The following GYPB variants were observed in gnomAD, a reference collection of about 807,000 sequenced individuals.
The protein encoded by GYPB is glycophorin-B.
Under a neutral mutation model 15.3 loss-of-function variants are expected in GYPB, and 13 were observed. That is an observed-to-expected ratio of 0.85 (90% confidence interval 0.55 to 1.35). The LOEUF (loss-of-function observed/expected upper bound fraction) is 1.35, where lower values mean the gene tolerates loss of function less well. Among genes scored for constraint, GYPB ranks in the 40% most tolerant of loss-of-function variants. The pLI is 0.00. For synonymous variants in GYPB, 38 were observed against 36.9 expected (o/e 1.03, Z -0.11); for missense variants, 131 against 108.3 (o/e 1.21, Z -0.93).
At position 144,013,686 on chromosome 4, in the gene GYPB, G is replaced by A. The variant is rs559924154; in HGVS notation, c.37+5565C>T. 1.1e-3 allele frequency among the ~76,000 whole-genome samples: 155 copies of A among 142,096 alleles called. 3 individuals carry two copies. The highest frequency in any genetic ancestry group is 3.8e-3 in the African/African-American group (142 of 37,332). 93.2% of individuals were successfully genotyped at this position (142,096 alleles called of 152,430 possible). The stretch of plus-strand genomic sequence containing the variant: ...TCGCAAGAACAAAAAACCAGACACC[G>A]CATATTCTCACTCATAGGTGGGAAT... On this transcript the variant is annotated intron_variant, in intron 1 of 4. Transcript: ENST00000502664.
At chr4:143,999,280 A>G in intron 3 of GYPB, 131 bp downstream of exon 3, 2 of 604,932 alleles carry the variant, frequency 3.3e-6, no homozygotes, top group Non-Finnish European at 5.9e-6. Context: ...TGTCTTTACA[A>G]TTTCGTGTGA....
chr4:144,005,179 T>C (rs1727840874), intron 1 of GYPB, among the ~76,000 whole-genome samples: 1 of 151,968 alleles, frequency 6.6e-6, no homozygotes, highest in African/African-American at 2.4e-5. Flanking sequence ...CTAATCCAAA[T>C]TGCCGACTTT....
At position 144,017,225 on chromosome 4, in the gene GYPB, A is replaced by C. The variant is rs1230270121; in HGVS notation, c.37+2026T>G. 2.3e-4 allele frequency among the ~76,000 whole-genome samples: 35 copies of C among 150,768 alleles called. 3 individuals are homozygous for C. The highest frequency in any genetic ancestry group is 7.2e-4 in the African/African-American group (29 of 40,356). Reference sequence around the variant, plus strand: ...GGGACTGGGAATCAAGTCATATTAGAAAAAATGGGTTCTCCATTTGGAAGA... The same window carrying C: ...GGGACTGGGAATCAAGTCATATTAGCAAAAATGGGTTCTCCATTTGGAAGA... On this transcript the variant is annotated intron_variant, in intron 1 of 4. Transcript: ENST00000502664.
intron 3 of GYPB, chr4:143,999,201 C>A: frequency 2.2e-6 from 1 of 450,688 alleles, no homozygotes. Context: ...GAGCCACGGC[C>A]CCTGGCCCCC....
At chr4:144,016,178 C>T (rs1271093048) in intron 1 of GYPB, among the ~76,000 whole-genome samples, 1 of 128,406 alleles carries the variant, frequency 7.8e-6, no homozygotes, top group Non-Finnish European at 1.6e-5. Context: ...AAAGAGATGC[C>T]TTGTTTCTTC....
At chr4:144,008,413 G>A (rs764838150) in intron 1 of GYPB, 50 of 455,336 alleles carry the variant, frequency 1.1e-4, no homozygotes, top group Middle Eastern at 3.3e-4. Flanking sequence ...CCTGAGGGTA[G>A]GAGTGTTGTA....
At chr4:144,004,521 AG>A (rs1727792503) in intron 1 of GYPB, among the ~76,000 whole-genome samples, 1 of 5,896 alleles carries the variant, frequency 1.7e-4, no homozygotes, top group Non-Finnish European at 1.9e-3. Flanking sequence ...ATAATTTGGT[AG>A]TTATTCCAGA....
intron 1 of GYPB, chr4:144,002,630 G>T (rs1302868515): frequency 7.8e-7 from 1 of 1,286,380 alleles, no homozygotes; most frequent in Non-Finnish European, 1.0e-6. Context: ...GCAGTGGAGT[G>T]GAGGTGGAAG....
intron 1 of GYPB, chr4:144,016,674 A>T (rs1728517015): frequency 3.0e-6 from 1 of 338,768 alleles, no homozygotes; most frequent in Non-Finnish European, 5.8e-6. Context: ...AAGCTTTTGG[A>T]GACTCCTGGT....
chr4:144,001,584 G>C (rs991446786), intron 1 of GYPB, among the ~76,000 whole-genome samples: 1 of 151,344 alleles, frequency 6.6e-6, no homozygotes, highest in Non-Finnish European at 1.5e-5. Context: ...ATGTCATTGT[G>C]AGAACGAATT....
intron 1 of GYPB, among the ~76,000 whole-genome samples, chr4:144,015,093 G>A (rs538372847): frequency 2.6e-5 from 4 of 151,372 alleles, no homozygotes; most frequent in African/African-American, 4.9e-5. Flanking sequence ...TATGACCAAC[G>A]TACAAAAATT....
intron 1 of GYPB, among the ~76,000 whole-genome samples, chr4:144,015,275 A>AT (rs1172588227): frequency 6.0e-5 from 9 of 151,228 alleles, no homozygotes; most frequent in Non-Finnish European, 1.2e-4. Flanking sequence ...TAAGCCCGGA[A>AT]TTTTTTTTCA....
At chr4:144,001,336 C>A in intron 1 of GYPB, 53 bp from the exon 2 acceptor site, 1 of 1,612,212 alleles carries the variant, frequency 6.2e-7, no homozygotes, top group Middle Eastern at 1.7e-4. Context: ...ACTGAGCAGA[C>A]CATAAAGCAT....
chr4:143,998,022 A>C (rs1445635292), intron 3 of GYPB, among the ~76,000 whole-genome samples: 1 of 151,484 alleles, frequency 6.6e-6, no homozygotes, highest in African/African-American at 2.5e-5. Context: ...CAATGTCTTA[A>C]CATATAAAAG....
chr4:144,019,361 G>C lies in GYPB; in HGVS notation c.-74C>G. On this transcript the variant is annotated 5_prime_UTR_variant, in exon 1 of 5. Coordinates refer to ENST00000502664, the MANE Select transcript of GYPB (RefSeq NM_002100.6). ...AGACAACTGCAAGTGTCAGTGTCTG[G>C]CCTTAGCCTACTAGCTGTTATCTTC... 1 of 1,610,864 alleles carries C rather than the reference G, an allele frequency of 6.2e-7. No individual in the cohort carries two copies. The highest frequency in any genetic ancestry group is 8.5e-7 in the Non-Finnish European group (1 of 1,178,974).
chr4:144,017,846 A>C (rs899881837), intron 1 of GYPB, among the ~76,000 whole-genome samples: 2 of 151,352 alleles, frequency 1.3e-5, no homozygotes, highest in African/African-American at 2.5e-5. Flanking sequence ...ATTACACTAC[A>C]TCCCTTTCAT....
At chr4:144,016,927 A>ATT in intron 1 of GYPB, 1 of 345,246 alleles carries the variant, frequency 2.9e-6, no homozygotes, top group South Asian at 2.4e-5. Context: ...TCAGAAAATA[A>ATT]CTCCCTGCTA....
At chr4:144,018,514 T>G (rs1240927694) in intron 1 of GYPB, among the ~76,000 whole-genome samples, 3 of 151,234 alleles carry the variant, frequency 2.0e-5, no homozygotes, top group African/African-American at 7.4e-5. Context: ...TGCTAACACA[T>G]AAGCACTGCA....
chr4:144,002,811 C>G, intron 1 of GYPB: 3 of 507,270 alleles, frequency 5.9e-6, no homozygotes, highest in South Asian at 5.2e-5. Context: ...CAGTTTACCT[C>G]CAAATCATGG....
Sources: allele counts gnomAD v4.1 joint callset (sites outside exome capture counted in the v4.1 genomes callset), GRCh38; gene constraint gnomAD v4.1.1; transcripts MANE v1.5; gene names NCBI Gene and HGNC (gene_info 2026-07-23, HGNC 2026-07-21).